TRDN: variants seen among roughly 807,000 people sequenced by gnomAD.
TRDN encodes the protein triadin in skeletal muscle.
In TRDN, 161 loss-of-function variants were observed where a neutral mutation model predicts 149.7. That is an observed-to-expected ratio of 1.08 (90% CI 0.95 to 1.23). TRDN has a LOEUF of 1.23. TRDN is among the 50% of genes most tolerant of loss of function. The pLI is 0.00. For missense variants in TRDN, 896 were observed against 823.5 expected, an observed-to-expected ratio of 1.09 and a Z score of -1.08; for synonymous variants, 294 against 250.5, an observed-to-expected ratio of 1.17 and a Z score of -1.64.
chr6:123,280,034 G>A (rs910309166), intron 24 of TRDN, among the ~76,000 whole-genome samples: 1 of 152,148 alleles, frequency 6.6e-6, no homozygotes, highest in African/African-American at 2.4e-5. Flanking sequence ...AAACAAATGA[G>A]ATGTACCCTG....
intron 9 of TRDN, among the ~76,000 whole-genome samples, chr6:123,484,469 C>A (rs1158247971): frequency 2.0e-5 from 3 of 152,092 alleles, no homozygotes; most frequent in Admixed American, 2.0e-4. Flanking sequence ...ATACATGGTG[C>A]ATTAATAAAT....
intron 38 of TRDN, among the ~76,000 whole-genome samples, chr6:123,234,911 G>T (rs1375466340): frequency 6.6e-6 from 1 of 152,092 alleles, no homozygotes; most frequent in African/African-American, 2.4e-5. Context: ...CAAAATGGGG[G>T]TGTAGAGGCT....
chr6:123,442,923 T>A (rs1426584157), intron 10 of TRDN, among the ~76,000 whole-genome samples: 1 of 152,178 alleles, frequency 6.6e-6, no homozygotes, highest in African/African-American at 2.4e-5. Context: ...TTTGCTATAA[T>A]TAGTAGTCAT....
At chr6:123,561,594 T>G (rs531999225) in intron 2 of TRDN, among the ~76,000 whole-genome samples, 4 of 152,322 alleles carry the variant, frequency 2.6e-5, no homozygotes, top group African/African-American at 9.6e-5. Context: ...CACTCTCTAA[T>G]TGGATGTCCT....
chr6:123,457,744 T>C (rs376615298), intron 10 of TRDN, among the ~76,000 whole-genome samples: 1 of 152,046 alleles, frequency 6.6e-6, no homozygotes, highest in African/African-American at 2.4e-5. Context: ...GTGTTTCAGT[T>C]AAAAAAATAA....
intron 38 of TRDN, among the ~76,000 whole-genome samples, chr6:123,244,224 CA>C (rs1776094745): frequency 6.6e-6 from 1 of 152,056 alleles, no homozygotes; most frequent in African/African-American, 2.4e-5. Flanking sequence ...AGCAAGGGAA[CA>C]AAACTGGACA....
At chr6:123,585,299 AGG>A (rs1237473621) in intron 1 of TRDN, among the ~76,000 whole-genome samples, 4 of 151,944 alleles carry the variant, frequency 2.6e-5, no homozygotes, top group African/African-American at 9.7e-5. Context: ...GATAATTAAA[AGG>A]AGTGCTTAAA....
At position 123,593,192 on chromosome 6, in the gene TRDN, G is replaced by T. The variant is rs1390918908; in HGVS notation, c.23-22060C>A. The stretch of plus-strand genomic sequence containing the variant: ...CCCCAAAATTGATCACAATTACATT[G>T]CTATAGGTTTATATAACATCTCTGC... On this transcript the variant is annotated intron_variant, in intron 1 of 40. Coordinates refer to ENST00000334268, the MANE Select transcript of TRDN (RefSeq NM_006073.4). 2.0e-5 allele frequency among the ~76,000 whole-genome samples: 3 copies of T among 152,256 alleles called. No homozygotes were observed. The East Asian group carries it at 5.8e-4, about 29-fold the overall frequency.
chr6:123,592,360 G>A (rs935418066), intron 1 of TRDN, among the ~76,000 whole-genome samples: 1 of 152,108 alleles, frequency 6.6e-6, no homozygotes, highest in Non-Finnish European at 1.5e-5. Flanking sequence ...AGCATCTAAA[G>A]GAGGTTAAAA....
intron 5 of TRDN, among the ~76,000 whole-genome samples, chr6:123,521,124 T>C (rs1779658971): frequency 1.3e-5 from 2 of 152,102 alleles, no homozygotes; most frequent in African/African-American, 4.8e-5. Flanking sequence ...ACTGAAGGAG[T>C]TCTAGACAAA....
At chr6:123,495,659 C>A (rs948547914) in intron 9 of TRDN, among the ~76,000 whole-genome samples, 1 of 152,122 alleles carries the variant, frequency 6.6e-6, no homozygotes, top group African/African-American at 2.4e-5. Context: ...AGCCACCACA[C>A]CCAGCCCTAA....
At chr6:123,592,743 T>C (rs894024163) in intron 1 of TRDN, among the ~76,000 whole-genome samples, 5 of 152,200 alleles carry the variant, frequency 3.3e-5, no homozygotes, top group Admixed American at 6.5e-5. Context: ...AAATAGGCTT[T>C]ATAAAATTGT....
chr6:123,280,578 G>C (rs1395949382), intron 24 of TRDN, among the ~76,000 whole-genome samples: 1 of 150,916 alleles, frequency 6.6e-6, no homozygotes, highest in Non-Finnish European at 1.5e-5. Context: ...TCTCTATCTA[G>C]ATGTTCTTTG....
At chr6:123,223,149 T>G (rs6922056) in intron 39 of TRDN, among the ~76,000 whole-genome samples, 120,420 of 151,636 alleles carry the variant, frequency 0.79, 48,146 homozygotes, top group Admixed American at 0.84. Context: ...TTGCTGGATA[T>G]AGCTGGAGGT....
intron 37 of TRDN, among the ~76,000 whole-genome samples, chr6:123,254,478 C>T (rs769314556): frequency 1.3e-5 from 2 of 151,920 alleles, no homozygotes; most frequent in African/African-American, 2.4e-5. Context: ...TTACCTAGCA[C>T]CTTCGAATTT....
intron 4 of TRDN, among the ~76,000 whole-genome samples, chr6:123,535,649 T>C (rs1002942820): frequency 5.1e-4 from 77 of 152,260 alleles, no homozygotes; most frequent in African/African-American, 1.8e-3. Flanking sequence ...GAAATATATC[T>C]TCCTCACACA....
At chr6:123,339,954 G>A (rs1011402743) in intron 21 of TRDN, among the ~76,000 whole-genome samples, 4 of 152,000 alleles carry the variant, frequency 2.6e-5, no homozygotes, top group Non-Finnish European at 5.9e-5. Context: ...TATAGAAGTC[G>A]AGTTTTAAAT....
At chr6:123,576,347 T>TA (rs1201322559) in intron 1 of TRDN, among the ~76,000 whole-genome samples, 3 of 152,146 alleles carry the variant, frequency 2.0e-5, no homozygotes, top group Non-Finnish European at 4.4e-5. Flanking sequence ...ATGAATGCCC[T>TA]AAATTGCCAC....
chr6:123,510,658 T>A (rs55926508), intron 7 of TRDN, among the ~76,000 whole-genome samples: 15,675 of 150,498 alleles, frequency 0.1, 1,023 homozygotes, highest in South Asian at 0.21. Context: ...TTTTTTTTTT[T>A]TTATTTAGAC....
Sources: allele counts gnomAD v4.1 joint callset (sites outside exome capture counted in the v4.1 genomes callset), GRCh38; gene constraint gnomAD v4.1.1; transcripts MANE v1.5; gene names NCBI Gene and HGNC (gene_info 2026-07-23, HGNC 2026-07-21).